Variants in PLPP4 observed in about 807,000 individuals in gnomAD.
PLPP4 encodes diacylglycerol pyrophosphate like 2.
In PLPP4, 20 loss-of-function variants were observed where a neutral mutation model predicts 32.2. The observed-to-expected ratio is 0.62, with a 90% confidence interval of 0.44 to 0.90. PLPP4 has a LOEUF of 0.90. Ranked by LOEUF, PLPP4 falls within the 40% of genes least tolerant of loss-of-function variation. The pLI is 0.00. For synonymous variants in PLPP4, 127 were observed against 133.0 expected (o/e 0.95, Z 0.31); for missense variants, 257 against 353.1 (o/e 0.73, Z 2.18).
intron 5 of PLPP4, among the ~76,000 whole-genome samples, chr10:120,540,917 G>A (rs1291364730): frequency 6.6e-6 from 1 of 152,198 alleles, no homozygotes; most frequent in African/African-American, 2.4e-5. Flanking sequence ...AGGAGAGGGA[G>A]GTGAGTTAAC....
At chr10:120,506,642 G>A (rs1309139815) in intron 2 of PLPP4, among the ~76,000 whole-genome samples, 1 of 152,186 alleles carries the variant, frequency 6.6e-6, no homozygotes, top group Non-Finnish European at 1.5e-5. Context: ...ATTGGATAAT[G>A]AATGCTTCTA....
chr10:120,518,886 A>G lies in PLPP4; in HGVS notation c.310A>G (p.Ile104Val). The G allele has an allele frequency of 6.2e-7, 1 of 1,611,076 alleles. No individual in the cohort carries two copies. The highest frequency in any genetic ancestry group is 1.1e-5 in the South Asian group (1 of 90,190). The change falls in exon 4 of 7, where the codon ATA becomes GTA. Residue 104 changes from isoleucine to valine, a missense_variant. Ile to Val is a conservative substitution (Grantham distance 29). Transcript: ENST00000398250. Reference protein sequence around the residue: ...NGVCTNTIKLIVGRPRPDFFY... With the variant: ...NGVCTNTIKLVVGRPRPDFFY... ...AGTCTGCACAAACACTATTAAATTA[A>G]TAGTGGGAAGGTAAGTTCCAAGAAG...
intron 6 of PLPP4, among the ~76,000 whole-genome samples, chr10:120,584,191 T>G (rs34577352): frequency 0.041 from 6,273 of 152,190 alleles, 146 homozygotes; most frequent in Middle Eastern, 0.15. Flanking sequence ...CTTCTCAACC[T>G]CTCCCGGTTA....
At chr10:120,545,902 G>A (rs900386793) in intron 5 of PLPP4, among the ~76,000 whole-genome samples, 12 of 152,126 alleles carry the variant, frequency 7.9e-5, no homozygotes, top group Non-Finnish European at 1.5e-4. Context: ...CTGCCAGCGC[G>A]GCTAGAATAA....
At chr10:120,527,245 G>C (rs1468697286) in intron 5 of PLPP4, among the ~76,000 whole-genome samples, 3 of 152,146 alleles carry the variant, frequency 2.0e-5, no homozygotes, top group African/African-American at 7.2e-5. Flanking sequence ...AGGGTGGCAG[G>C]CTGGAAATTC....
chr10:120,566,543 C>T (rs1183707677), intron 5 of PLPP4, among the ~76,000 whole-genome samples: 1 of 141,038 alleles, frequency 7.1e-6, no homozygotes, highest in Non-Finnish European at 1.5e-5. Flanking sequence ...CCTACTTATT[C>T]TTTTTTTTTT....
In PLPP4 at chr10:120,566,632, T is replaced by A. The variant is rs187383968; in HGVS notation, c.446-8499T>A. Among the ~76,000 whole-genome samples the A allele has an allele frequency of 1.3e-4, 20 of 149,724 alleles. No individual in the cohort carries two copies. The East Asian group carries it at 3.4e-3, about 26-fold the overall frequency. ...GTCTCAGCCCACTGTAACCTCCACC[T>A]CCACCTCCACCTCCCGAGTTCAAGC... On this transcript the variant is annotated intron_variant, in intron 5 of 6. Transcript: ENST00000398250.
At chr10:120,466,255 T>G (rs2133783837) in intron 1 of PLPP4, among the ~76,000 whole-genome samples, 1 of 152,202 alleles carries the variant, frequency 6.6e-6, no homozygotes, top group Admixed American at 6.5e-5. Context: ...CATGGCCCAC[T>G]TCTGATGAAA....
chr10:120,568,566 A>G lies in PLPP4; in HGVS notation c.446-6565A>G, dbSNP rs186172462. 2.4e-3 allele frequency among the ~76,000 whole-genome samples: 368 copies of G among 152,296 alleles called. 7 individuals are homozygous for G. The highest frequency in any genetic ancestry group is 8.3e-3 in the African/African-American group (347 of 41,562). On this transcript the variant is annotated intron_variant, in intron 5 of 6. Coordinates refer to ENST00000398250, the MANE Select transcript of PLPP4 (RefSeq NM_001030059.3). ...ATTACTATTCAAATATCTTCATCAA[A>G]TTTATGCTCTGTTAAGTCCTTTGAA...
At chr10:120,458,794 G>A (rs1847907801) in intron 1 of PLPP4, among the ~76,000 whole-genome samples, 1 of 152,204 alleles carries the variant, frequency 6.6e-6, no homozygotes, top group Admixed American at 6.5e-5. Flanking sequence ...AATGATTGCT[G>A]TGTGATCAGA....
intron 5 of PLPP4, among the ~76,000 whole-genome samples, chr10:120,560,165 T>C (rs1848356350): frequency 6.6e-6 from 1 of 152,138 alleles, no homozygotes; most frequent in Non-Finnish European, 1.5e-5. Context: ...CCATGGGACT[T>C]ATGAAGTGTC....
At chr10:120,533,802 T>C (rs1001321992) in intron 5 of PLPP4, among the ~76,000 whole-genome samples, 1 of 152,160 alleles carries the variant, frequency 6.6e-6, no homozygotes, top group African/African-American at 2.4e-5. Flanking sequence ...CTTCTTACCA[T>C]ATTTGGTTCT....
intron 1 of PLPP4, among the ~76,000 whole-genome samples, chr10:120,483,944 A>C (rs925827394): frequency 2.0e-5 from 3 of 152,246 alleles, no homozygotes; most frequent in African/African-American, 4.8e-5. Context: ...ATCTTTATAA[A>C]TTACCCAGTC....
intron 1 of PLPP4, among the ~76,000 whole-genome samples, chr10:120,485,328 A>G (rs1844395583): frequency 6.6e-6 from 1 of 152,198 alleles, no homozygotes; most frequent in African/African-American, 2.4e-5. Flanking sequence ...ACATTTGCTA[A>G]ACTCTTTTCA....
At chr10:120,518,490 C>T (rs143453031) in intron 3 of PLPP4, among the ~76,000 whole-genome samples, 1 of 152,204 alleles carries the variant, frequency 6.6e-6, no homozygotes, top group African/African-American at 2.4e-5. Context: ...TTCTTGTTAC[C>T]AGTAAAAGAA....
In PLPP4 at chr10:120,547,690, C is replaced by A. The variant is rs545422000; in HGVS notation, c.445+26595C>A. 2.2e-4 allele frequency among the ~76,000 whole-genome samples: 34 copies of A among 152,246 alleles called. 1 individual carries two copies. In the South Asian group the frequency reaches 4.1e-3, roughly 19 times the overall value. On this transcript the variant is annotated intron_variant, in intron 5 of 6. Coordinates refer to ENST00000398250, the MANE Select transcript of PLPP4 (RefSeq NM_001030059.3). ...TATCGCAGTTTCATGAGGCACCATA[C>A]CTTTCCAAAGGTTGACTGCTCCAGT...
At chr10:120,585,361 T>C (rs1849703529) in intron 6 of PLPP4, among the ~76,000 whole-genome samples, 2 of 152,196 alleles carry the variant, frequency 1.3e-5, no homozygotes, top group South Asian at 4.1e-4. Context: ...TTAAGTTCCT[T>C]AGAAGTTTAT....
intron 5 of PLPP4, among the ~76,000 whole-genome samples, chr10:120,543,250 T>G (rs567858955): frequency 1.3e-5 from 2 of 152,294 alleles, no homozygotes; most frequent in African/African-American, 4.8e-5. Flanking sequence ...TTTCAGTCCT[T>G]CCTCCTCAAG....
In PLPP4 at chr10:120,484,105, G is replaced by A. The variant is rs182198833; in HGVS notation, c.57-19713G>A. Among the ~76,000 whole-genome samples the A allele has an allele frequency of 1.7e-3, 259 of 152,284 alleles. 2 individuals carry two copies. The highest frequency in any genetic ancestry group is 2.4e-3 in the Non-Finnish European group (165 of 68,022). On this transcript the variant is annotated intron_variant, in intron 1 of 6. Transcript: ENST00000398250. ...AAGTGCTACAGGAAATTTCAAATGTGATGTGCTAGTAAGTGAGCAGATGTT... is the reference window on the plus strand; with the variant it reads ...AAGTGCTACAGGAAATTTCAAATGTAATGTGCTAGTAAGTGAGCAGATGTT...
Sources: gnomAD v4.1 joint callset for allele counts (sites outside exome capture counted in the v4.1 genomes callset) on GRCh38, gnomAD v4.1.1 for gene constraint, MANE v1.5 for transcripts, NCBI Gene and HGNC (gene_info 2026-07-23, HGNC 2026-07-21) for gene names.